GCFC2: variants seen among roughly 807,000 people sequenced by gnomAD.
The protein encoded by GCFC2 is GC-rich sequence DNA-binding factor 2.
A neutral mutation model predicts 99.4 loss-of-function variants in GCFC2; 102 were observed. That is an observed-to-expected ratio of 1.03 (90% CI 0.87 to 1.21). The LOEUF (loss-of-function observed/expected upper bound fraction) is 1.21. Among genes scored for constraint, GCFC2 ranks in the 50% most tolerant of loss-of-function variants. GCFC2 has a pLI of 0.00. For synonymous variants in GCFC2, 338 were observed against 316.8 expected (o/e 1.07, Z -0.71); for missense variants, 973 against 920.9 (o/e 1.06, Z -0.73).
intron 6 of GCFC2, among the ~76,000 whole-genome samples, chr2:75,693,406 G>A (rs1437128167): frequency 6.6e-6 from 1 of 152,066 alleles, no homozygotes. Flanking sequence ...TGCTACTACA[G>A]TCCAGCCTGG....
chr2:75,706,828 T>C (rs375474211), intron 1 of GCFC2, among the ~76,000 whole-genome samples, 177 bp from the exon 2 acceptor site: 2 of 152,272 alleles, frequency 1.3e-5, no homozygotes, highest in African/African-American at 2.4e-5. Flanking sequence ...AATGATCTAC[T>C]AAGTGTACAA....
intron 9 of GCFC2, among the ~76,000 whole-genome samples, 191 bp from the exon 10 acceptor site, chr2:75,689,416 C>T (rs1473366093): frequency 2.0e-5 from 3 of 151,906 alleles, no homozygotes; most frequent in African/African-American, 7.2e-5. Context: ...CCATATATAC[C>T]CCTGCTATAC....
In GCFC2 at chr2:75,689,071, TA is replaced by T; in HGVS notation, c.1493del (p.Leu498Ter). On this transcript the variant is annotated frameshift_variant, in exon 10 of 17. Coordinates refer to ENST00000321027, the MANE Select transcript of GCFC2 (RefSeq NM_003203.5). LOFTEE classifies it high-confidence loss of function. ...AFISLCIPKLLNPLIRVQLID... is the reference protein window; with the variant it reads ...AFISLCIPKLXNPLIRVQLID... ...TCAACTGAACTCGTATTAGGGGATT[TA>T]AAAGCTTTGGTATGCATAAACTAAT... 1.3e-6 allele frequency: 2 copies of T among 1,597,516 alleles called. No homozygotes were observed. The highest frequency in any genetic ancestry group is 1.7e-6 in the Non-Finnish European group (2 of 1,167,966).
At chr2:75,683,970 T>C (rs2104303272) in intron 11 of GCFC2, among the ~76,000 whole-genome samples, 1 of 152,004 alleles carries the variant, frequency 6.6e-6, no homozygotes, top group East Asian at 1.9e-4. Flanking sequence ...TCAGATCAGA[T>C]TCATAAAGCA....
At chr2:75,682,968 T>C (rs182258879) in intron 11 of GCFC2, among the ~76,000 whole-genome samples, 2 of 151,994 alleles carry the variant, frequency 1.3e-5, no homozygotes, top group East Asian at 1.9e-4. Context: ...CTATGTTTGA[T>C]TGGTGTACCT....
chr2:75,691,696 G>A (rs1680078839), intron 7 of GCFC2, among the ~76,000 whole-genome samples: 1 of 152,178 alleles, frequency 6.6e-6, no homozygotes, highest in South Asian at 2.1e-4. Flanking sequence ...AGAGCCTCCA[G>A]AATTATGTGA....
chr2:75,712,683 C>T (rs574342289), upstream of GCFC2, among the ~76,000 whole-genome samples: 6 of 152,228 alleles, frequency 3.9e-5, no homozygotes, highest in African/African-American at 1.2e-4. Flanking sequence ...TAACACTCAC[C>T]GTGAAGATCT....
Position 75,692,084 on chromosome 2 carries a change from T to A in GCFC2, c.1037A>T (p.Glu346Val). 1 of 1,492,728 alleles carries A rather than the reference T, an allele frequency of 6.7e-7. No homozygotes were observed. The highest frequency in any genetic ancestry group is 9.0e-7 in the Non-Finnish European group (1 of 1,105,670). The allele number at this position is 1,492,728 out of a possible 1,614,324, so 92.5% of individuals were successfully genotyped here. ...CLNEKIINIQEIESSMHALLL... is the reference protein window; with the variant it reads ...CLNEKIINIQVIESSMHALLL... ...GAGTGCATGCATGGATGATTCTATT[T>A]CTTGGATGTTGATAATCTGAAATAC... The change falls in exon 7 of 17, where the codon GAA becomes GTA. Residue 346 changes from glutamate (E) to valine (V), a missense_variant. Glu to Val is a moderately radical substitution (Grantham distance 121). Coordinates refer to ENST00000321027, the MANE Select transcript of GCFC2 (RefSeq NM_003203.5).
At chr2:75,682,693 C>A (rs1238938558) in intron 11 of GCFC2, among the ~76,000 whole-genome samples, 4 of 151,646 alleles carry the variant, frequency 2.6e-5, no homozygotes, top group Non-Finnish European at 4.4e-5. Context: ...AGCTAAGAAC[C>A]TTGAAAAAAG....
At chr2:75,674,111 G>A (rs1679242232) in intron 12 of GCFC2, among the ~76,000 whole-genome samples, 2 of 152,004 alleles carry the variant, frequency 1.3e-5, no homozygotes, top group South Asian at 4.1e-4. Flanking sequence ...ATGTGCTGTT[G>A]GGCATCTTTT....
chr2:75,690,701 G>A lies in GCFC2; in HGVS notation c.1163C>T (p.Thr388Ile), dbSNP rs781036279. The A allele has an allele frequency of 1.9e-6, 3 of 1,550,788 alleles. No homozygotes were observed. Among genetic ancestry groups the A allele is most frequent in the Admixed American group, 1.8e-5 (1 of 56,948 alleles). The change falls in exon 8 of 17, where the codon ACA (threonine) becomes ATA (isoleucine). Residue 388 changes from threonine (T) to isoleucine (I), a missense_variant. Physicochemically the swap from Thr to Ile is moderately conservative, Grantham distance 89. Transcript: ENST00000321027. ...TTCATCTACTGAGAAGTTTCCACTTGTGGATGTCTCATCTTTGCCTGTTAA... is the reference window on the plus strand; with the variant it reads ...TTCATCTACTGAGAAGTTTCCACTTATGGATGTCTCATCTTTGCCTGTTAA... ...QQLSRKDETS[T>I]SGNFSVDEKT...
At chr2:75,706,826 A>T (rs1244091523) in intron 1 of GCFC2, among the ~76,000 whole-genome samples, 175 bp from the exon 2 acceptor site, 1 of 152,204 alleles carries the variant, frequency 6.6e-6, no homozygotes, top group Non-Finnish European at 1.5e-5. Context: ...TGAATGATCT[A>T]CTAAGTGTAC....
chr2:75,706,222 C>G (rs569830704), intron 2 of GCFC2, among the ~76,000 whole-genome samples: 1 of 152,292 alleles, frequency 6.6e-6, no homozygotes, highest in South Asian at 2.1e-4. Context: ...CCTGAAACAT[C>G]CTCCCTGACA....
chr2:75,683,999 A>C (rs1269695369), intron 11 of GCFC2, among the ~76,000 whole-genome samples: 1 of 152,096 alleles, frequency 6.6e-6, no homozygotes, highest in Non-Finnish European at 1.5e-5. Flanking sequence ...GAGACCTACA[A>C]AGAGACTTAG....
At chr2:75,709,533 G>A (rs964167935) in intron 1 of GCFC2, among the ~76,000 whole-genome samples, 1 of 152,192 alleles carries the variant, frequency 6.6e-6, no homozygotes, top group Non-Finnish European at 1.5e-5. Flanking sequence ...AGAGAGTCGA[G>A]TAGTGGTTAG....
At chr2:75,708,447 TTAAGG>T (rs927136513) in intron 1 of GCFC2, among the ~76,000 whole-genome samples, 60 of 151,714 alleles carry the variant, frequency 4.0e-4, no homozygotes, top group African/African-American at 1.4e-3. Context: ...GAACAGAGTT[TTAAGG>T]TAAGAGCACC....
chr2:75,683,530 C>A (rs56151810), intron 11 of GCFC2, among the ~76,000 whole-genome samples: 3 of 152,000 alleles, frequency 2.0e-5, no homozygotes, highest in Non-Finnish European at 1.5e-5. Context: ...GAAGAAACTG[C>A]GTCAACTAAT....
Position 75,701,289 on chromosome 2 carries a change from T to C in GCFC2, c.620-2A>G, listed in dbSNP as rs1453861125. ...CACTTGTTTCTTCATTTCTGCTTAC[T>C]AGCGGAAAAAAAGCTCACATGTAAA... On this transcript the variant is annotated splice_acceptor_variant, in intron 3 of 16. Transcript: ENST00000321027. LOFTEE classifies it high-confidence loss of function. 3.2e-6 allele frequency: 5 copies of C among 1,572,816 alleles called. No homozygotes were observed. The highest frequency in any genetic ancestry group is 4.4e-6 in the Non-Finnish European group (5 of 1,143,492).
intron 16 of GCFC2, among the ~76,000 whole-genome samples, chr2:75,665,540 G>A (rs1042180898): frequency 1.1e-4 from 16 of 151,936 alleles, no homozygotes; most frequent in Non-Finnish European, 1.8e-4. Flanking sequence ...TGCTGTGAAC[G>A]AAACATTCAG....
Sources: gnomAD v4.1 joint callset for allele counts (sites outside exome capture counted in the v4.1 genomes callset) on GRCh38, gnomAD v4.1.1 for gene constraint, MANE v1.5 for transcripts, NCBI Gene and HGNC (gene_info 2026-07-23, HGNC 2026-07-21) for gene names.